The following MYOF variants were observed in gnomAD, a reference collection of about 807,000 sequenced individuals.
MYOF encodes the protein myoferlin.
In MYOF, 244 loss-of-function variants were observed where a neutral mutation model predicts 284.2. The ratio of observed to expected loss-of-function variants is 0.86; its 90% CI spans 0.77 to 0.95. The LOEUF is 0.95. Among genes scored for constraint, MYOF ranks in the 40% least tolerant of loss-of-function variants. The pLI is 0.00. For synonymous variants in MYOF, 904 were observed against 919.7 expected (o/e 0.98, Z 0.31); for missense variants, 2,496 against 2,560.6 (o/e 0.97, Z 0.54).
At chr10:93,455,065 G>A (rs2056706184) in intron 2 of MYOF, among the ~76,000 whole-genome samples, 1 of 149,864 alleles carries the variant, frequency 6.7e-6, no homozygotes, top group African/African-American at 2.5e-5. Flanking sequence ...GGTGCTGGGT[G>A]GATCACCTGA....
chr10:93,451,899 CT>C, intron 3 of MYOF, 150 bp downstream of exon 3: 1 of 664,964 alleles, frequency 1.5e-6, no homozygotes, highest in Non-Finnish European at 2.6e-6. Context: ...GCCACATCTG[CT>C]ATTGGCTTAG....
At chr10:93,366,203 G>A (rs779266466) in intron 26 of MYOF, among the ~76,000 whole-genome samples, 189 bp downstream of exon 26, 1 of 151,014 alleles carries the variant, frequency 6.6e-6, no homozygotes, top group Non-Finnish European at 1.5e-5. Context: ...TAGTTACCAG[G>A]TGCTTTTTAT....
At chr10:93,320,752 G>A (rs575707758) in intron 48 of MYOF, among the ~76,000 whole-genome samples, 1 of 152,100 alleles carries the variant, frequency 6.6e-6, no homozygotes, top group Non-Finnish European at 1.5e-5. Flanking sequence ...TTGAAACCAG[G>A]GGGTAACATT....
chr10:93,427,087 C>G (rs1247479901), intron 4 of MYOF, among the ~76,000 whole-genome samples: 1 of 150,956 alleles, frequency 6.6e-6, no homozygotes, highest in Non-Finnish European at 1.5e-5. Context: ...GGGGTTTCAT[C>G]TTGTTGGCCA....
chr10:93,355,685 G>C lies in MYOF; in HGVS notation c.3346C>G (p.His1116Asp), dbSNP rs759818046. The C allele has an allele frequency of 1.3e-5, 21 of 1,613,334 alleles. No homozygotes were observed. The highest frequency in any genetic ancestry group is 1.8e-5 in the Non-Finnish European group (21 of 1,179,542). Residue 1116 changes from histidine to aspartate, a missense_variant, in exon 31 of 54, where the codon CAC becomes GAC. Around this residue, in one of 3 missense-constraint regions of MYOF, gnomAD observed 2,436 missense variants for 2,480.7 expected, o/e 0.98. Coordinates refer to ENST00000359263, the MANE Select transcript of MYOF (RefSeq NM_013451.4). ...GCTCCGAACACAGTGGTGGCACTGT[G>C]CTTCTGTTTCTCCAGGCTCTTCTCA... ...GDEKSLEKQK[H>D]SATTVFGANT...
intron 45 of MYOF, 148 bp downstream of exon 45, chr10:93,328,615 C>T: frequency 1.3e-6 from 1 of 742,680 alleles, no homozygotes; most frequent in Non-Finnish European, 2.1e-6. Flanking sequence ...GACAGCAGAA[C>T]TCTGACGTGG....
intron 38 of MYOF, among the ~76,000 whole-genome samples, chr10:93,343,171 CAG>C (rs1844006953): frequency 6.6e-6 from 1 of 152,112 alleles, no homozygotes; most frequent in South Asian, 2.1e-4. Context: ...CCAAGAGAAA[CAG>C]GGAGATATTT....
intron 48 of MYOF, 56 bp from the exon 49 acceptor site, chr10:93,320,069 G>C (rs981296417): frequency 8.4e-5 from 133 of 1,592,800 alleles, no homozygotes; most frequent in Non-Finnish European, 1.1e-4. Flanking sequence ...TCATGTAGCC[G>C]CAAAATTGTG....
At chr10:93,422,704 G>A (rs192712822) in intron 5 of MYOF, among the ~76,000 whole-genome samples, 2 of 152,286 alleles carry the variant, frequency 1.3e-5, no homozygotes, top group Admixed American at 1.3e-4. Context: ...GCTGAGGCAT[G>A]AGAATCACTT....
At chr10:93,430,581 CAA>C (rs747001393) in intron 4 of MYOF, among the ~76,000 whole-genome samples, 5,692 of 85,960 alleles carry the variant, frequency 0.066, 232 homozygotes, top group African/African-American at 0.18. Flanking sequence ...GACTCCATCT[CAA>C]AAAAAAAAAA....
At chr10:93,316,045 A>G (rs1842598459) in intron 50 of MYOF, among the ~76,000 whole-genome samples, 1 of 152,086 alleles carries the variant, frequency 6.6e-6, no homozygotes, top group African/African-American at 2.4e-5. Context: ...GGATTTCTCG[A>G]ACCCAGGAGG....
At chr10:93,341,785 C>A (rs2133851006) in intron 38 of MYOF, 1 of 478,894 alleles carries the variant, frequency 2.1e-6, no homozygotes, top group South Asian at 2.2e-5. Flanking sequence ...TTAAAACAAT[C>A]ACGTTTGTTT....
In MYOF at chr10:93,316,775, G is replaced by T. The variant is rs1217180445; in HGVS notation, c.5637C>A (p.Ile1879=). ...ATATCTGAATGATCAGCCTGGGTGG[G>T]ATTCGAAATTCCGTTTGGTCAATAC... ...FWSIDQTEFR[I]PPRLIIQIWD... is the part of the protein sequence containing the mutation. The change falls in exon 50 of 54, where the codon ATC becomes ATA. Residue 1879 remains isoleucine (I), a synonymous_variant. Transcript: ENST00000359263. 1 of 1,613,928 alleles carries T rather than the reference G, an allele frequency of 6.2e-7. No homozygotes were observed. Among genetic ancestry groups the T allele is most frequent in the South Asian group, 1.1e-5 (1 of 91,064 alleles).
chr10:93,388,310 C>T (rs1385117932), intron 18 of MYOF, among the ~76,000 whole-genome samples: 3 of 152,188 alleles, frequency 2.0e-5, no homozygotes, highest in Non-Finnish European at 2.9e-5. Context: ...AACTTGGCTG[C>T]TTTTCTCCTC....
At chr10:93,312,433 C>A (rs552901880) in intron 51 of MYOF, among the ~76,000 whole-genome samples, 1 of 152,258 alleles carries the variant, frequency 6.6e-6, no homozygotes, top group East Asian at 1.9e-4. Flanking sequence ...GCAACCTATG[C>A]CTCCTGGGTC....
In MYOF at chr10:93,369,833, T is replaced by C; in HGVS notation, c.2458-57A>G. The C allele has an allele frequency of 1.9e-6, 3 of 1,600,698 alleles. No individual in the cohort carries two copies. The South Asian group carries it at 3.4e-5, about 18-fold the overall frequency. ...ATTAGGCACAGCAAAGACTGTGACA[T>C]TAAGTTAAAGCCAAAAACAGAGGGA... is the stretch of plus-strand genomic sequence containing the variant. On this transcript the variant is annotated intron_variant, in intron 24 of 53. Coordinates refer to ENST00000359263, the MANE Select transcript of MYOF (RefSeq NM_013451.4).
intron 7 of MYOF, among the ~76,000 whole-genome samples, chr10:93,406,195 A>G (rs928437980): frequency 1.4e-5 from 2 of 146,470 alleles, no homozygotes; most frequent in African/African-American, 2.5e-5. Context: ...CTGATCTCCA[A>G]TGATCTACCC....
chr10:93,354,383 C>A (rs1844685895), intron 31 of MYOF, among the ~76,000 whole-genome samples: 1 of 152,026 alleles, frequency 6.6e-6, no homozygotes, highest in African/African-American at 2.4e-5. Context: ...GTCTTAAAAA[C>A]AAAAATCCTA....
intron 3 of MYOF, among the ~76,000 whole-genome samples, chr10:93,433,089 C>T (rs1848945291): frequency 1.3e-5 from 2 of 152,100 alleles, no homozygotes; most frequent in African/African-American, 4.8e-5. Context: ...ATCAGAAAGA[C>T]AAGAGAGTCA....
Sources: gnomAD v4.1 joint callset for allele counts (sites outside exome capture counted in the v4.1 genomes callset) on GRCh38, gnomAD v4.1.1 for gene constraint, gnomAD v4.1.1 regional missense constraint, MANE v1.5 for transcripts, NCBI Gene and HGNC (gene_info 2026-07-23, HGNC 2026-07-21) for gene names.